The following PDE10A variants were observed in gnomAD, a reference collection of about 807,000 sequenced individuals.
PDE10A encodes the protein phosphodiesterase 10A.
A neutral mutation model predicts 97.7 loss-of-function variants in PDE10A; 39 were observed. The ratio of observed to expected loss-of-function variants is 0.40; its 90% CI spans 0.31 to 0.52. PDE10A has a LOEUF of 0.52. Ranked by LOEUF, PDE10A falls within the 20% of genes least tolerant of loss-of-function variation. The probability of loss-of-function intolerance (pLI) is 0.56; values close to 1 mark genes in which losing one functional copy is unlikely to be tolerated. For missense variants in PDE10A, 731 were observed against 1,047.8 expected (o/e 0.70, Z 4.17); for synonymous variants, 371 against 376.8 (o/e 0.98, Z 0.18).
At chr6:165,442,066 G>A (rs909595349) in intron 5 of PDE10A, among the ~76,000 whole-genome samples, 2 of 151,946 alleles carry the variant, frequency 1.3e-5, no homozygotes, top group Non-Finnish European at 2.9e-5. Flanking sequence ...TTTAGTAAAT[G>A]GTTTGTGTAT....
At chr6:165,378,960 T>C (rs988375359) in intron 18 of PDE10A, among the ~76,000 whole-genome samples, 1 of 152,200 alleles carries the variant, frequency 6.6e-6, no homozygotes, top group African/African-American at 2.4e-5. Context: ...CCTGTGTGAT[T>C]AGTGTAACTT....
At chr6:165,384,419 C>T (rs2128210084) in intron 17 of PDE10A, among the ~76,000 whole-genome samples, 1 of 152,236 alleles carries the variant, frequency 6.6e-6, no homozygotes, top group East Asian at 1.9e-4. Context: ...CAATGGGAAG[C>T]TCAGGGAAAA....
At chr6:165,897,354 A>G (rs7747429) in intron 1 of PDE10A, among the ~76,000 whole-genome samples, 70,800 of 151,714 alleles carry the variant, frequency 0.47, 16,763 homozygotes, top group East Asian at 0.66. Context: ...GATGCCATAC[A>G]GGGAAAAAGA....
intron 1 of PDE10A, chr6:165,948,155 C>T (rs1034419337): frequency 2.0e-5 from 3 of 150,980 alleles, no homozygotes; most frequent in African/African-American, 7.4e-5. Context: ...TGTCAATAGA[C>T]AAGAGATGTC....
intron 1 of PDE10A, among the ~76,000 whole-genome samples, chr6:165,933,013 G>T (rs1783189660): frequency 6.6e-6 from 1 of 152,196 alleles, no homozygotes; most frequent in Non-Finnish European, 1.5e-5. Flanking sequence ...CCCCTGGGTT[G>T]ATTCCTGGTC....
intron 21 of PDE10A, 58 bp from the exon 22 acceptor site, chr6:165,333,185 C>T: frequency 1.9e-6 from 2 of 1,073,774 alleles, no homozygotes; most frequent in Non-Finnish European, 2.9e-6. Context: ...TGGACTTTGT[C>T]TTGAAAACTA....
intron 2 of PDE10A, among the ~76,000 whole-genome samples, chr6:165,511,369 T>G (rs1032084781): frequency 6.6e-6 from 1 of 152,056 alleles, no homozygotes; most frequent in African/African-American, 2.4e-5. Flanking sequence ...CAAGTTTTAT[T>G]GTAGTCTGAG....
At chr6:165,856,858 A>G (rs1780751909) in intron 1 of PDE10A, among the ~76,000 whole-genome samples, 1 of 152,180 alleles carries the variant, frequency 6.6e-6, no homozygotes, top group African/African-American at 2.4e-5. Flanking sequence ...ACCTCCAGCC[A>G]CTCCAGTGGA....
chr6:165,545,265 T>C, intron 1 of PDE10A: 3 of 482,914 alleles, frequency 6.2e-6, no homozygotes, highest in South Asian at 4.6e-5. Flanking sequence ...AAATCAGGAA[T>C]CTTAACATAT....
intron 5 of PDE10A, among the ~76,000 whole-genome samples, chr6:165,448,069 T>C (rs759445949): frequency 1.3e-5 from 2 of 152,228 alleles, no homozygotes; most frequent in South Asian, 2.1e-4. Flanking sequence ...ATAATGTACA[T>C]AATACATATT....
chr6:165,582,230 C>A (rs1341231842), intron 1 of PDE10A, among the ~76,000 whole-genome samples: 1 of 152,104 alleles, frequency 6.6e-6, no homozygotes, highest in Non-Finnish European at 1.5e-5. Context: ...CAGATATTCA[C>A]CATAACAGCA....
At chr6:165,817,068 C>T (rs1056280989) in intron 1 of PDE10A, among the ~76,000 whole-genome samples, 2 of 152,124 alleles carry the variant, frequency 1.3e-5, no homozygotes, top group Non-Finnish European at 2.9e-5. Context: ...AACAACCGTG[C>T]TCAGGAAGGT....
intron 1 of PDE10A, chr6:165,780,368 G>C (rs1282181508): frequency 6.6e-6 from 1 of 152,194 alleles, no homozygotes; most frequent in Admixed American, 6.5e-5. Context: ...TGTATCATAA[G>C]AGAACAGATA....
In PDE10A at chr6:165,837,937, G is replaced by A. The variant is rs796913337; in HGVS notation, c.-615+149592C>T. Among the ~76,000 whole-genome samples, 79 of 151,986 alleles carry A rather than the reference G, an allele frequency of 5.2e-4. 1 individual carries two copies. Among genetic ancestry groups the A allele is most frequent in the African/African-American group, 1.9e-3 (77 of 41,438 alleles). On this transcript the variant is annotated intron_variant, in intron 1 of 19. Coordinates refer to the PDE10A transcript ENST00000366882. ...CCTGACCTCGTGATCCGCCTGCCTC[G>A]GCCTCCCAAAGTGCTGGGGTTACAG...
chr6:165,369,072 C>T (rs1308010399), intron 18 of PDE10A, among the ~76,000 whole-genome samples: 3 of 151,970 alleles, frequency 2.0e-5, no homozygotes, highest in Non-Finnish European at 4.4e-5. Context: ...ACCAAAAACC[C>T]ATCTGTACAT....
At chr6:165,348,279 T>A (rs539796108) in intron 18 of PDE10A, among the ~76,000 whole-genome samples, 1 of 152,326 alleles carries the variant, frequency 6.6e-6, no homozygotes, top group East Asian at 1.9e-4. Context: ...GTAAAAATTT[T>A]AAAAACTACC....
intron 1 of PDE10A, among the ~76,000 whole-genome samples, chr6:165,749,657 G>A (rs1792952113): frequency 6.6e-6 from 1 of 152,204 alleles, no homozygotes; most frequent in South Asian, 2.1e-4. Context: ...CCTCCATATT[G>A]ACACACTTAC....
chr6:165,409,776 T>C (rs1040102590), intron 13 of PDE10A: 2 of 152,136 alleles, frequency 1.3e-5, no homozygotes, highest in African/African-American at 4.8e-5. Context: ...TTAGAAAAAT[T>C]ATAATCATTT....
At chr6:165,718,906 G>GA (rs1231046510) in intron 1 of PDE10A, among the ~76,000 whole-genome samples, 2 of 151,552 alleles carry the variant, frequency 1.3e-5, no homozygotes, top group Admixed American at 6.6e-5. Context: ...ATACAGGGAG[G>GA]AAAAAAAAGT....
Sources: gnomAD v4.1 joint callset for allele counts (sites outside exome capture counted in the v4.1 genomes callset) on GRCh38, gnomAD v4.1.1 for gene constraint, MANE v1.5 for transcripts, NCBI Gene and HGNC (gene_info 2026-07-23, HGNC 2026-07-21) for gene names.